ITSN1: variants seen among roughly 807,000 people sequenced by gnomAD.
ITSN1 encodes intersectin-1.
A neutral mutation model predicts 239.8 loss-of-function variants in ITSN1; 58 were observed. The observed-to-expected ratio is 0.24, with a 90% confidence interval of 0.20 to 0.30. ITSN1 has a LOEUF of 0.30. Among genes scored for constraint, ITSN1 ranks in the 10% least tolerant of loss-of-function variants. The probability of loss-of-function intolerance (pLI) is 1.00; values close to 1 mark genes in which losing one functional copy is unlikely to be tolerated. For synonymous variants in ITSN1, 780 were observed against 770.8 expected (o/e 1.01, Z -0.20); for missense variants, 1,558 against 2,103.3 (o/e 0.74, Z 5.07).
intron 29 of ITSN1, among the ~76,000 whole-genome samples, chr21:33,844,378 C>T (rs2074922464): frequency 6.6e-6 from 1 of 152,208 alleles, no homozygotes; most frequent in Admixed American, 6.5e-5. Flanking sequence ...TTGGCAGGCC[C>T]ATGCAGCGCT....
chr21:33,702,093 ATTTTTTTTTTTTTTTTTTT>A (rs1162454097), intron 1 of ITSN1, among the ~76,000 whole-genome samples: 14 of 148,632 alleles, frequency 9.4e-5, no homozygotes, highest in East Asian at 2.0e-4. Context: ...AAACAAAAAA[ATTTTTTTTTTTTTTTTTTT>A]TTTTTTTTTT....
chr21:33,833,800 A>G (rs2074437472), intron 27 of ITSN1, among the ~76,000 whole-genome samples: 1 of 147,194 alleles, frequency 6.8e-6, no homozygotes, highest in Non-Finnish European at 1.5e-5. Context: ...TGAACCTGGG[A>G]GGTGGAGCTT....
chr21:33,684,371 T>C (rs2091132035), intron 1 of ITSN1, among the ~76,000 whole-genome samples: 1 of 152,208 alleles, frequency 6.6e-6, no homozygotes, highest in Admixed American at 6.5e-5. Context: ...GTTGTTTTCC[T>C]TTGTGTGTTG....
At chr21:33,874,733 CT>C (rs1569330391) in intron 33 of ITSN1, among the ~76,000 whole-genome samples, 2 of 151,372 alleles carry the variant, frequency 1.3e-5, no homozygotes, top group African/African-American at 2.4e-5. Flanking sequence ...ACTACAACCT[CT>C]GCCTCCTGGG....
At chr21:33,876,337 C>T (rs1203085470) in intron 34 of ITSN1, among the ~76,000 whole-genome samples, 3 of 147,046 alleles carry the variant, frequency 2.0e-5, no homozygotes, top group Non-Finnish European at 3.0e-5. Context: ...TCTTTCCTTC[C>T]TTCCTTTCTC....
At position 33,848,269 on chromosome 21, in the gene ITSN1, G is replaced by A. The variant is rs145644621; in HGVS notation, c.3662-8467G>A. 3.3e-5 allele frequency among the ~76,000 whole-genome samples: 5 copies of A among 152,344 alleles called. No individual in the cohort carries two copies. The East Asian group carries it at 9.6e-4, about 29-fold the overall frequency. On this transcript the variant is annotated intron_variant, in intron 29 of 39. Coordinates refer to ENST00000381318, the MANE Select transcript of ITSN1 (RefSeq NM_003024.3). ...AGGGTGAGCCCTAATTCCATCTGAT[G>A]GGTGCTCTTAATAAGAGGGGGAAAT... is the stretch of plus-strand genomic sequence containing the variant.
intron 1 of ITSN1, among the ~76,000 whole-genome samples, chr21:33,651,185 G>A (rs2088498094): frequency 6.6e-6 from 1 of 152,250 alleles, no homozygotes; most frequent in Admixed American, 6.5e-5. Flanking sequence ...GCAAGTGCTG[G>A]GGGCAAGAGA....
chr21:33,766,123 G>C, intron 10 of ITSN1, 111 bp downstream of exon 10: 1 of 1,166,804 alleles, frequency 8.6e-7, no homozygotes, highest in Non-Finnish European at 1.2e-6. Flanking sequence ...AGGAAACTAA[G>C]TATCCGTGAA....
chr21:33,884,805 C>T (rs185377076), intron 36 of ITSN1, among the ~76,000 whole-genome samples: 39 of 152,300 alleles, frequency 2.6e-4, no homozygotes, highest in Admixed American at 1.6e-3. Flanking sequence ...TTTTCTTCCC[C>T]GGGGACATCA....
chr21:33,713,341 G>A (rs1490065391), intron 1 of ITSN1, among the ~76,000 whole-genome samples: 3 of 151,902 alleles, frequency 2.0e-5, no homozygotes, highest in Admixed American at 6.6e-5. Flanking sequence ...CCAGGTTCAC[G>A]CCATTCTCCT....
chr21:33,753,245 G>T (rs140290527), intron 7 of ITSN1, among the ~76,000 whole-genome samples: 9 of 152,172 alleles, frequency 5.9e-5, no homozygotes, highest in Admixed American at 3.9e-4. Flanking sequence ...ATTTAATTGC[G>T]GTTTTACCCT....
chr21:33,837,899 C>G, intron 29 of ITSN1: 1 of 985,810 alleles, frequency 1.0e-6, no homozygotes, highest in Non-Finnish European at 1.2e-6. Flanking sequence ...TTACGATCAA[C>G]GATATCCACA....
chr21:33,679,218 T>TTG (rs371963563), intron 1 of ITSN1, among the ~76,000 whole-genome samples: 17 of 151,968 alleles, frequency 1.1e-4, no homozygotes, highest in Non-Finnish European at 1.9e-4. Context: ...GTTATTCCCT[T>TTG]TGTGTGTGTG....
intron 1 of ITSN1, among the ~76,000 whole-genome samples, chr21:33,713,266 G>C (rs1041016931): frequency 5.9e-5 from 9 of 151,328 alleles, no homozygotes; most frequent in Non-Finnish European, 1.2e-4. Flanking sequence ...TTGAGACGGA[G>C]TCTTGCTCCG....
rs1181152734 is a variant in ITSN1 at position 33,898,027 on chromosome 21, T to C, written c.*9727T>C. 1 of 152,132 alleles carries C rather than the reference T, an allele frequency of 6.6e-6. No individual in the cohort carries two copies. Among genetic ancestry groups the C allele is most frequent in the Non-Finnish European group, 1.5e-5 (1 of 68,032 alleles). The allele number at this position is 152,132 out of a possible 1,614,324, so 9.4% of individuals were successfully genotyped here. On this transcript the variant is annotated 3_prime_UTR_variant, in exon 40 of 40. Transcript: ENST00000381318. ...ACCTTGGTGTTGCATTAAAAATGGA[T>C]TTTTGCAGATCACATATCTGAGAGG...
chr21:33,855,441 G>T (rs533851774), intron 29 of ITSN1, among the ~76,000 whole-genome samples: 3 of 152,370 alleles, frequency 2.0e-5, no homozygotes, highest in Admixed American at 1.3e-4. Flanking sequence ...AAGTAAAGGG[G>T]ATTCAGCCCG....
At chr21:33,873,390 G>T (rs1350083166) in intron 33 of ITSN1, among the ~76,000 whole-genome samples, 3 of 152,206 alleles carry the variant, frequency 2.0e-5, no homozygotes, top group Admixed American at 2.0e-4. Context: ...CCAGCACAGG[G>T]TGATAATTGT....
chr21:33,703,547 C>G (rs1433958878), intron 1 of ITSN1, among the ~76,000 whole-genome samples: 1 of 152,104 alleles, frequency 6.6e-6, no homozygotes, highest in Non-Finnish European at 1.5e-5. Context: ...ATATCTAGGT[C>G]CAGCAATATG....
At chr21:33,833,551 G>A (rs773632590) in intron 27 of ITSN1, among the ~76,000 whole-genome samples, 2 of 152,186 alleles carry the variant, frequency 1.3e-5, no homozygotes, top group African/African-American at 2.4e-5. Flanking sequence ...GTGCATAAAT[G>A]CACAGGGCCT....
Sources: allele counts gnomAD v4.1 joint callset (sites outside exome capture counted in the v4.1 genomes callset), GRCh38; gene constraint gnomAD v4.1.1; transcripts MANE v1.5; gene names NCBI Gene and HGNC (gene_info 2026-07-23, HGNC 2026-07-21).